Variants in NRXN1 observed in about 807,000 individuals in gnomAD.
NRXN1 encodes neurexin 1.
Under a neutral mutation model 150.9 loss-of-function variants are expected in NRXN1, and 39 were observed. That is an observed-to-expected ratio of 0.26 (90% CI 0.20 to 0.34). The LOEUF is 0.34. Ranked by LOEUF, NRXN1 falls within the 10% of genes least tolerant of loss-of-function variation. The pLI is 1.00. For synonymous variants in NRXN1, 924 were observed against 757.0 expected, an observed-to-expected ratio of 1.22 and a Z score of -3.62; for missense variants, 1,815 against 1,949.9, an observed-to-expected ratio of 0.93 and a Z score of 1.30.
At chr2:50,895,717 A>T (rs1441706462) in intron 5 of NRXN1, among the ~76,000 whole-genome samples, 1 of 151,780 alleles carries the variant, frequency 6.6e-6, no homozygotes, top group Non-Finnish European at 1.5e-5. Context: ...AGTAGCTGGG[A>T]TTACAGGAGT....
At position 50,332,299 on chromosome 2, in the gene NRXN1, C is replaced by A. The variant is rs1032478735; in HGVS notation, c.3365-95329G>T. ...AAGAGGTTATTTAGAAATCTTTCTA[C>A]AAACATTTGAGTATCTATGAAAATT... On this transcript the variant is annotated intron_variant, in intron 17 of 22. Coordinates refer to ENST00000401669, the MANE Select transcript of NRXN1 (RefSeq NM_001330078.2). Among the ~76,000 whole-genome samples, 6 of 152,134 alleles carry A rather than the reference C, an allele frequency of 3.9e-5. No homozygotes were observed. In the South Asian group the frequency reaches 1.2e-3, roughly 31 times the overall value.
chr2:49,965,880 G>A (rs1229849105), intron 21 of NRXN1, among the ~76,000 whole-genome samples: 1 of 152,176 alleles, frequency 6.6e-6, no homozygotes, highest in Non-Finnish European at 1.5e-5. Context: ...TTAGTCCAGA[G>A]TATGCAGCAT....
intron 21 of NRXN1, among the ~76,000 whole-genome samples, chr2:49,960,605 G>A (rs986921624): frequency 6.6e-6 from 1 of 152,140 alleles, no homozygotes; most frequent in Non-Finnish European, 1.5e-5. Context: ...TCAGTCTAAT[G>A]AATTGTGGAG....
In NRXN1 at chr2:50,570,573, T is replaced by C. The variant is rs974348388; in HGVS notation, c.1321-17548A>G. ...CACTTTGTGTGAATCTTTGCTTTGC[T>C]GTGTGGTTGAGTGGCAGAAAGCAAC... On this transcript the variant is annotated intron_variant, in intron 8 of 22. Transcript: ENST00000401669. Among the ~76,000 whole-genome samples, 3 of 152,140 alleles carry C rather than the reference T, an allele frequency of 2.0e-5. No homozygotes were observed. The South Asian group carries it at 6.2e-4, about 31-fold the overall frequency.
intron 2 of NRXN1, among the ~76,000 whole-genome samples, chr2:50,970,122 T>C (rs1694773169): frequency 6.6e-6 from 1 of 152,116 alleles, no homozygotes; most frequent in Admixed American, 6.6e-5. Flanking sequence ...AGATAATTTC[T>C]TTATGGGTCA....
At chr2:49,969,386 A>G (rs954380818) in intron 21 of NRXN1, among the ~76,000 whole-genome samples, 1 of 152,088 alleles carries the variant, frequency 6.6e-6, no homozygotes, top group East Asian at 1.9e-4. Flanking sequence ...CAGTTCATAC[A>G]TGGAAAATTG....
At chr2:50,239,564 G>C (rs1275854851) in intron 17 of NRXN1, among the ~76,000 whole-genome samples, 5 of 147,546 alleles carry the variant, frequency 3.4e-5, no homozygotes, top group African/African-American at 4.9e-5. Flanking sequence ...TGCTATATCT[G>C]AGGAAATTTA....
At chr2:50,480,140 C>T (rs986890153) in intron 15 of NRXN1, among the ~76,000 whole-genome samples, 2 of 152,128 alleles carry the variant, frequency 1.3e-5, no homozygotes, top group South Asian at 4.1e-4. Flanking sequence ...AATTCAATGG[C>T]ATATTTTTTC....
intron 2 of NRXN1, among the ~76,000 whole-genome samples, chr2:50,991,197 G>A (rs1304339151): frequency 6.6e-6 from 1 of 151,916 alleles, no homozygotes; most frequent in Non-Finnish European, 1.5e-5. Flanking sequence ...TTCTGAAATG[G>A]AGAAAGCAGT....
intron 8 of NRXN1, among the ~76,000 whole-genome samples, chr2:50,573,844 T>TAAG (rs1331401755): frequency 6.6e-6 from 1 of 152,044 alleles, no homozygotes; most frequent in East Asian, 1.9e-4. Flanking sequence ...TTAGGTATTA[T>TAAG]AAGTAATCTA....
At chr2:50,255,456 T>G (rs2152904336) in intron 17 of NRXN1, among the ~76,000 whole-genome samples, 1 of 152,322 alleles carries the variant, frequency 6.6e-6, no homozygotes, top group South Asian at 2.1e-4. Flanking sequence ...GTGTCAAATC[T>G]TTTTTCTTTT....
At chr2:49,950,487 C>T (rs1399457895) in intron 21 of NRXN1, among the ~76,000 whole-genome samples, 5 of 151,930 alleles carry the variant, frequency 3.3e-5, no homozygotes, top group East Asian at 1.9e-4. Flanking sequence ...CTCATCTATG[C>T]GTAGCATTTT....
intron 5 of NRXN1, among the ~76,000 whole-genome samples, chr2:50,686,976 C>T (rs939921181): frequency 7.2e-5 from 11 of 152,186 alleles, no homozygotes; most frequent in Non-Finnish European, 1.6e-4. Context: ...CTTTATACTT[C>T]CATAATTAGG....
chr2:50,569,376 C>CA (rs1670326169), intron 8 of NRXN1, among the ~76,000 whole-genome samples: 1 of 151,964 alleles, frequency 6.6e-6, no homozygotes, highest in Non-Finnish European at 1.5e-5. Flanking sequence ...TTAGGCATTG[C>CA]ATACCTGTAT....
intron 18 of NRXN1, among the ~76,000 whole-genome samples, chr2:50,106,771 G>A (rs1233304377): frequency 6.6e-6 from 1 of 151,736 alleles, no homozygotes; most frequent in African/African-American, 2.4e-5. Context: ...AATTATGAAA[G>A]ATTTTTCAAG....
At chr2:50,006,481 C>T (rs1684790517) in intron 21 of NRXN1, among the ~76,000 whole-genome samples, 1 of 152,118 alleles carries the variant, frequency 6.6e-6, no homozygotes. Context: ...CCTTTGCAAA[C>T]TTTTGTTATA....
chr2:50,339,028 A>G (rs1199506493), intron 17 of NRXN1, among the ~76,000 whole-genome samples: 1 of 152,196 alleles, frequency 6.6e-6, no homozygotes, highest in Non-Finnish European at 1.5e-5. Flanking sequence ...ACCAAATGGT[A>G]ACTAATTGCC....
chr2:50,429,856 G>C (rs1230656510), intron 17 of NRXN1, among the ~76,000 whole-genome samples: 1 of 152,006 alleles, frequency 6.6e-6, no homozygotes, highest in Non-Finnish European at 1.5e-5. Flanking sequence ...TCAGATGAAG[G>C]GCTATAGAAC....
chr2:50,339,182 A>G (rs2077384609), intron 17 of NRXN1, among the ~76,000 whole-genome samples: 1 of 152,188 alleles, frequency 6.6e-6, no homozygotes. Flanking sequence ...GTATTTTACC[A>G]CATATTAAAA....
Sources: gnomAD v4.1 joint callset for allele counts (sites outside exome capture counted in the v4.1 genomes callset) on GRCh38, gnomAD v4.1.1 for gene constraint, MANE v1.5 for transcripts, NCBI Gene and HGNC (gene_info 2026-07-23, HGNC 2026-07-21) for gene names.